SUSD4: variants seen among roughly 807,000 people sequenced by gnomAD.
The protein encoded by SUSD4 is sushi domain-containing protein 4.
In SUSD4, 41 loss-of-function variants were observed where a neutral mutation model predicts 50.5. That is an observed-to-expected ratio of 0.81 (90% confidence interval 0.63 to 1.05). SUSD4 has a LOEUF of 1.05. SUSD4 is among the 50% of genes least tolerant of loss of function. The probability of loss-of-function intolerance (pLI) is 0.00; values close to 1 mark genes in which losing one functional copy is unlikely to be tolerated. For synonymous variants in SUSD4, 257 were observed against 257.3 expected (o/e 1.00, Z 0.01); for missense variants, 580 against 634.7 (o/e 0.91, Z 0.93).
chr1:223,266,442 A>T (rs1165792417), intron 4 of SUSD4, among the ~76,000 whole-genome samples: 1 of 152,234 alleles, frequency 6.6e-6, no homozygotes, highest in Non-Finnish European at 1.5e-5. Flanking sequence ...AGTTCAAATG[A>T]GTTGGCACAA....
chr1:223,226,063 A>T (rs1248894509), intron 7 of SUSD4, among the ~76,000 whole-genome samples: 1 of 152,228 alleles, frequency 6.6e-6, no homozygotes, highest in East Asian at 1.9e-4. Context: ...TATTTAGTGG[A>T]TATCCTGGAA....
chr1:223,222,101 G>T lies in SUSD4; in HGVS notation c.*91C>A. 7.5e-7 allele frequency: 1 copy of T among 1,340,014 alleles called. No homozygotes were observed. Among genetic ancestry groups the T allele is most frequent in the Non-Finnish European group, 1.0e-6 (1 of 961,106 alleles). The allele number at this position is 1,340,014 out of a possible 1,614,324, so 83.0% of individuals were successfully genotyped here. On this transcript the variant is annotated 3_prime_UTR_variant, in exon 9 of 9. Transcript: ENST00000366878. ...CCCATGTAGACAAGTTAGACATTTT[G>T]CCCCCAGGCTCTATCCTTCTGTGAC...
chr1:223,306,289 C>T (rs1486175452), intron 2 of SUSD4, among the ~76,000 whole-genome samples: 1 of 152,182 alleles, frequency 6.6e-6, no homozygotes, highest in Non-Finnish European at 1.5e-5. Flanking sequence ...TGCCCAGCAA[C>T]TTCACAAAAT....
intron 3 of SUSD4, among the ~76,000 whole-genome samples, chr1:223,271,150 T>A (rs568401148): frequency 6.6e-6 from 1 of 152,208 alleles, no homozygotes; most frequent in Admixed American, 6.5e-5. Flanking sequence ...TTGAAACAAC[T>A]ATTTTCATGA....
At chr1:223,234,758 G>C (rs2103010032) in intron 5 of SUSD4, among the ~76,000 whole-genome samples, 2 of 152,274 alleles carry the variant, frequency 1.3e-5, no homozygotes, top group Middle Eastern at 3.4e-3. Flanking sequence ...TTAGTGACGT[G>C]AAATAGAGCT....
chr1:223,293,071 T>C (rs1664600951), intron 2 of SUSD4, among the ~76,000 whole-genome samples: 2 of 151,942 alleles, frequency 1.3e-5, no homozygotes, highest in South Asian at 4.2e-4. Flanking sequence ...CAGGGAGGCA[T>C]GGGTGGTTTT....
chr1:223,235,377 C>T (rs1571850004), intron 5 of SUSD4, among the ~76,000 whole-genome samples: 1 of 152,048 alleles, frequency 6.6e-6, no homozygotes. Context: ...CACTCAGAGT[C>T]GAGTTTACAT....
intron 4 of SUSD4, among the ~76,000 whole-genome samples, chr1:223,265,665 G>A (rs1010852298): frequency 1.3e-5 from 2 of 152,230 alleles, no homozygotes; most frequent in African/African-American, 2.4e-5. Flanking sequence ...CACTCCTTCT[G>A]TGAAACACTA....
chr1:223,228,323 G>T (rs938982608), intron 6 of SUSD4, among the ~76,000 whole-genome samples: 2 of 152,188 alleles, frequency 1.3e-5, no homozygotes, highest in East Asian at 3.9e-4. Flanking sequence ...TCTCTGCCTT[G>T]TCATGACCAC....
upstream of SUSD4, chr1:223,364,256 G>A (rs1480743883): frequency 6.7e-6 from 1 of 149,116 alleles, no homozygotes; most frequent in Non-Finnish European, 1.5e-5. The surrounding 1 kb of genome is among the most constrained non-coding windows in gnomAD (Gnocchi z 4.5). Context: ...GTTGGGGGAG[G>A]ACGGGAGCCC....
intron 3 of SUSD4, among the ~76,000 whole-genome samples, chr1:223,277,462 C>T (rs1174110786): frequency 6.6e-6 from 1 of 152,064 alleles, no homozygotes; most frequent in African/African-American, 2.4e-5. Flanking sequence ...ACAAAAAGCA[C>T]AGGTGGAAGG....
intron 3 of SUSD4, among the ~76,000 whole-genome samples, chr1:223,289,638 G>A (rs559789871): frequency 1.3e-5 from 2 of 152,280 alleles, no homozygotes; most frequent in Admixed American, 6.5e-5. Context: ...TGACAAGCCC[G>A]GGGGCTGCAA....
At chr1:223,316,918 G>A (rs984507975) in intron 2 of SUSD4, among the ~76,000 whole-genome samples, 1 of 152,180 alleles carries the variant, frequency 6.6e-6, no homozygotes, top group African/African-American at 2.4e-5. Flanking sequence ...CCTAGGAGAG[G>A]AGGGGGGCCT....
chr1:223,365,094 G>A (rs1669242297), upstream of SUSD4, among the ~76,000 whole-genome samples: 1 of 152,124 alleles, frequency 6.6e-6, no homozygotes, highest in Non-Finnish European at 1.5e-5. Flanking sequence ...CAGAAGGTTG[G>A]GTACCTGGAG....
At chr1:223,233,614 G>A (rs1660030452) in intron 5 of SUSD4, among the ~76,000 whole-genome samples, 1 of 152,174 alleles carries the variant, frequency 6.6e-6, no homozygotes, top group South Asian at 2.1e-4. Flanking sequence ...ACAGCCCCAT[G>A]AACAACGGCC....
At chr1:223,319,552 C>G (rs903569139) in intron 2 of SUSD4, among the ~76,000 whole-genome samples, 5 of 152,154 alleles carry the variant, frequency 3.3e-5, no homozygotes, top group African/African-American at 1.2e-4. Flanking sequence ...CAATACACCC[C>G]CTTAATCCAC....
At chr1:223,317,624 T>C (rs1666280108) in intron 2 of SUSD4, among the ~76,000 whole-genome samples, 1 of 152,158 alleles carries the variant, frequency 6.6e-6, no homozygotes, top group African/African-American at 2.4e-5. Context: ...TGAAATTGCA[T>C]TTAGTCTTTC....
chr1:223,271,092 T>C (rs1411416099), intron 3 of SUSD4, among the ~76,000 whole-genome samples: 1 of 152,194 alleles, frequency 6.6e-6, no homozygotes, highest in East Asian at 1.9e-4. Context: ...AAGGCATCCG[T>C]CTGTAAAATC....
In SUSD4 at chr1:223,278,817, G is replaced by A. The variant is rs188369989; in HGVS notation, c.362-10142C>T. 7.5e-4 allele frequency among the ~76,000 whole-genome samples: 114 copies of A among 152,202 alleles called. No homozygotes were observed. In the East Asian group the frequency reaches 0.021, roughly 28 times the overall value. ...GTAGCCTAACTGGGAGGCACCCCCC[G>A]AGTAGGGGCAGACTGACACCTCACA... On this transcript the variant is annotated intron_variant, in intron 3 of 8. Coordinates refer to ENST00000366878, the MANE Select transcript of SUSD4 (RefSeq NM_017982.4).
Sources: allele counts gnomAD v4.1 joint callset (sites outside exome capture counted in the v4.1 genomes callset), GRCh38; gene constraint gnomAD v4.1.1; non-coding constraint Gnocchi (gnomAD v3.1); transcripts MANE v1.5; gene names NCBI Gene and HGNC (gene_info 2026-07-23, HGNC 2026-07-21).